ZNF750: variants seen among roughly 807,000 people sequenced by gnomAD.
The protein encoded by ZNF750 is protein ZNF750.
Under a neutral mutation model 31.6 loss-of-function variants are expected in ZNF750, and 10 were observed. The ratio of observed to expected loss-of-function variants is 0.32; its 90% CI spans 0.19 to 0.54. The LOEUF (loss-of-function observed/expected upper bound fraction) is 0.54. ZNF750 is among the 20% of genes least tolerant of loss of function. ZNF750 has a pLI of 0.95. For missense variants in ZNF750, 914 were observed against 934.9 expected, an observed-to-expected ratio of 0.98 and a Z score of 0.29; for synonymous variants, 400 against 404.9, an observed-to-expected ratio of 0.99 and a Z score of 0.15.
At chr17:82,838,078 C>T (rs746903277) in intron 1 of ZNF750, among the ~76,000 whole-genome samples, 36 of 152,340 alleles carry the variant, frequency 2.4e-4, no homozygotes, top group Non-Finnish European at 3.8e-4. Context: ...GCTGAGAGCT[C>T]GCTTCTCTTC....
intron 1 of ZNF750, among the ~76,000 whole-genome samples, chr17:82,838,360 C>G (rs4986113): frequency 0.52 from 79,056 of 151,824 alleles, 20,890 homozygotes; most frequent in South Asian, 0.65. Context: ...TGATAGGACA[C>G]AGCGGAAGTA....
At position 82,831,022 on chromosome 17, in the gene ZNF750, A is replaced by T. The variant is rs1274947731; in HGVS notation, c.1433T>A (p.Val478Glu). ...QAAETTAESPVSLNVVNGDPP... is the reference protein window; with the variant it reads ...QAAETTAESPESLNVVNGDPP... ...TTTGAAAATGACATTTTCTTACCTT[A>T]CTGGAGACTCTGCTGTGGTCTCAGC... is the stretch of plus-strand genomic sequence containing the variant. The change falls in exon 2 of 3, where the codon GTA (valine) becomes GAA (glutamate). Residue 478 changes from valine (V) to glutamate (E), a missense_variant. By Grantham distance (121) the Val-to-Glu change is moderately radical (BLOSUM62 -2). Coordinates refer to ENST00000269394, the MANE Select transcript of ZNF750 (RefSeq NM_024702.3). This position sits in a 1 kb window ranked among gnomAD's most constrained non-coding sequence, Gnocchi z 4.6. 6.2e-7 allele frequency: 1 copy of T among 1,614,132 alleles called. No individual in the cohort carries two copies. Among genetic ancestry groups the T allele is most frequent in the East Asian group, 2.2e-5 (1 of 44,880 alleles).
At position 82,831,593 on chromosome 17, in the gene ZNF750, G is replaced by A. The variant is rs750092440; in HGVS notation, c.862C>T (p.Pro288Ser). 21 of 1,614,084 alleles carry A rather than the reference G, an allele frequency of 1.3e-5. No individual in the cohort carries two copies. The Admixed American group carries it at 3.0e-4, about 23-fold the overall frequency. ...TQDPRHFLPH[P>S]GPIPKHLAPS... ...GCCAGGTGCTTAGGGATCGGCCCCG[G>A]GTGAGGCAGGAAGTGTCTCGGGTCT... Residue 288 changes from proline (P) to serine (S), a missense_variant, in exon 2 of 3, where the codon CCG becomes TCG. By Grantham distance (74) the Pro-to-Ser change is moderately conservative. Around this residue, in one of 2 missense-constraint regions of ZNF750, gnomAD observed 880 missense variants for 868.9 expected, o/e 1.01. Transcript: ENST00000269394. The surrounding 1 kb of genome is among the most constrained non-coding windows in gnomAD (Gnocchi z 4.6).
At chr17:82,834,360 C>A (rs540252013) in intron 1 of ZNF750, among the ~76,000 whole-genome samples, 1 of 152,148 alleles carries the variant, frequency 6.6e-6, no homozygotes, top group East Asian at 1.9e-4. Flanking sequence ...GGTGGAGGTG[C>A]AATGGATCAA....
At chr17:82,836,967 G>A (rs1567862877) in intron 1 of ZNF750, among the ~76,000 whole-genome samples, 1 of 152,172 alleles carries the variant, frequency 6.6e-6, no homozygotes, top group East Asian at 1.9e-4. Flanking sequence ...TCAATTGCTC[G>A]AAGGGAATTG....
intron 1 of ZNF750, among the ~76,000 whole-genome samples, chr17:82,836,393 A>C (rs1282135875): frequency 6.6e-6 from 1 of 152,262 alleles, no homozygotes; most frequent in African/African-American, 2.4e-5. Flanking sequence ...TGGAAGCATC[A>C]GGATCGAAAC....
chr17:82,830,549 C>G lies in ZNF750; in HGVS notation c.1765G>C (p.Gly589Arg), dbSNP rs1277753434. Residue 589 changes from glycine to arginine, a missense_variant, in exon 3 of 3, where the codon GGT becomes CGT. Transcript: ENST00000269394. ...GGGTGGCTGGGCCCATCCTCAGAAC[C>G]TTCTGTCCCAGTCTTCTGTGGAACA... ...AAVPQKTGTE[G>R]SEDGPSHPET... is the part of the protein sequence containing the mutation. 2 of 1,614,146 alleles carry G rather than the reference C, an allele frequency of 1.2e-6. No individual in the cohort carries two copies. Among genetic ancestry groups the G allele is most frequent in the Non-Finnish European group, 1.7e-6 (2 of 1,180,042 alleles).
At chr17:82,838,847 G>A (rs139523215) in intron 1 of ZNF750, 51 of 985,400 alleles carry the variant, frequency 5.2e-5, no homozygotes, top group Middle Eastern at 5.2e-4. Context: ...GTAAACAAAC[G>A]CTCACCACTT....
Position 82,831,281 on chromosome 17 carries a change from G to C in ZNF750, c.1174C>G (p.Gln392Glu). 1.2e-6 allele frequency: 2 copies of C among 1,613,808 alleles called. No individual in the cohort carries two copies. Among genetic ancestry groups the C allele is most frequent in the South Asian group, 1.1e-5 (1 of 91,086 alleles). ...ATTTTGGACCCTTCCGTGTCTCTCT[G>C]CCCAGCCTTGGAGGAGTCTTTAGCC... ...PEAKDSSKAGQRDTEGSKMSP... is the reference protein window; with the variant it reads ...PEAKDSSKAGERDTEGSKMSP... The change falls in exon 2 of 3, where the codon CAG (glutamine) becomes GAG (glutamate). Residue 392 changes from glutamine to glutamate, a missense_variant. By Grantham distance (29) the Gln-to-Glu change is conservative (BLOSUM62 2). This residue lies in a region of ZNF750 where 880 missense variants were observed against 868.9 expected (regional missense o/e 1.01). Coordinates refer to ENST00000269394, the MANE Select transcript of ZNF750 (RefSeq NM_024702.3). This position sits in a 1 kb window ranked among gnomAD's most constrained non-coding sequence, Gnocchi z 4.6.
At position 82,833,358 on chromosome 17, in the gene ZNF750, T is replaced by G. The variant is rs1214155560; in HGVS notation, c.-182-722A>C. Among the ~76,000 whole-genome samples, 1 of 152,190 alleles carries G rather than the reference T, an allele frequency of 6.6e-6. No individual in the cohort carries two copies. Among genetic ancestry groups the G allele is most frequent in the Non-Finnish European group, 1.5e-5 (1 of 68,042 alleles). Reference sequence around the variant, plus strand: ...CACTCGTGGCAGTTTCTGCCCACTTTAGCCACGTCGTTGGTGTATTCTAGT... The same window carrying G: ...CACTCGTGGCAGTTTCTGCCCACTTGAGCCACGTCGTTGGTGTATTCTAGT... On this transcript the variant is annotated intron_variant, in intron 1 of 2. Transcript: ENST00000269394. This position sits in a 1 kb window ranked among gnomAD's most constrained non-coding sequence, Gnocchi z 4.7.
At position 82,836,239 on chromosome 17, in the gene ZNF750, C is replaced by T. The variant is rs148897581; in HGVS notation, c.-182-3603G>A. Among the ~76,000 whole-genome samples, 100 of 152,368 alleles carry T rather than the reference C, an allele frequency of 6.6e-4. 3 individuals carry two copies. In the East Asian group the frequency reaches 0.018, roughly 27 times the overall value. On this transcript the variant is annotated intron_variant, in intron 1 of 2. Transcript: ENST00000269394. ...GGTTCCAGCCAAACGCTGGGCCAGC[C>T]AGCTCAGTCAGTGGGGCCTGTGCCG...
intron 2 of ZNF750, 58 bp downstream of exon 2, chr17:82,830,961 C>G (rs1374887396): frequency 1.9e-6 from 3 of 1,613,338 alleles, no homozygotes; most frequent in Non-Finnish European, 2.5e-6. Context: ...ATAAGCCTGG[C>G]TCATGGAACC....
At chr17:82,836,694 AAAAAC>A (rs985685648) in intron 1 of ZNF750, among the ~76,000 whole-genome samples, 133 of 151,416 alleles carry the variant, frequency 8.8e-4, no homozygotes, top group Admixed American at 1.2e-3. Context: ...AGGCAAAAAA[AAAAAC>A]AAAACAAAAC....
At position 82,835,595 on chromosome 17, in the gene ZNF750, T is replaced by C. The variant is rs1235509590; in HGVS notation, c.-182-2959A>G. ...CTACCACCACGCCCAGCTAATTTTT[T>C]TGTAATTTTAGTAGAGATGGGGTTT... is the stretch of plus-strand genomic sequence containing the variant. On this transcript the variant is annotated intron_variant, in intron 1 of 2. Transcript: ENST00000269394. The surrounding 1 kb of genome is among the most constrained non-coding windows in gnomAD (Gnocchi z 4.5). Among the ~76,000 whole-genome samples the C allele has an allele frequency of 6.6e-6, 1 of 152,058 alleles. No homozygotes were observed. Among genetic ancestry groups the C allele is most frequent in the Non-Finnish European group, 1.5e-5 (1 of 68,000 alleles).
Position 82,835,979 on chromosome 17 carries a change from G to A in ZNF750, c.-182-3343C>T, listed in dbSNP as rs752946131. On this transcript the variant is annotated intron_variant, in intron 1 of 2. Transcript: ENST00000269394. This position sits in a 1 kb window ranked among gnomAD's most constrained non-coding sequence, Gnocchi z 4.5. ...GGGTGACACCCTGGGCTCAGACCCC[G>A]CGCTCAGCACCCGTCTCCCACCGTG... Among the ~76,000 whole-genome samples, 12 of 152,226 alleles carry A rather than the reference G, an allele frequency of 7.9e-5. No homozygotes were observed. Among genetic ancestry groups the A allele is most frequent in the African/African-American group, 2.4e-4 (10 of 41,546 alleles).
chr17:82,832,700 G>A lies in ZNF750; in HGVS notation c.-182-64C>T, dbSNP rs555116677. On this transcript the variant is annotated intron_variant, in intron 1 of 2. Transcript: ENST00000269394. This position sits in a 1 kb window ranked among gnomAD's most constrained non-coding sequence, Gnocchi z 4.9. Reference sequence around the variant, plus strand: ...GAGGGGTCGGCGAGAAGCCGGCCTCGGCTCGCCACAGTGCCACAGGATCCC... The same window carrying A: ...GAGGGGTCGGCGAGAAGCCGGCCTCAGCTCGCCACAGTGCCACAGGATCCC... The A allele has an allele frequency of 3.3e-4, 185 of 553,832 alleles. No individual in the cohort carries two copies. The highest frequency in any genetic ancestry group is 3.2e-3 in the African/African-American group (171 of 53,004). 34.3% of individuals were successfully genotyped at this position (553,832 alleles called of 1,614,324 possible).
At position 82,834,374 on chromosome 17, in the gene ZNF750, TA is replaced by T. The variant is rs1018285868; in HGVS notation, c.-182-1739del. On this transcript the variant is annotated intron_variant, in intron 1 of 2. Transcript: ENST00000269394. ...GGGTGGAGGTGCAATGGATCAAGGC[TA>T]AGCACTTTAATTCGTATTAAAAATG... 5.9e-5 allele frequency among the ~76,000 whole-genome samples: 9 copies of T among 152,314 alleles called. No homozygotes were observed. The East Asian group carries it at 1.5e-3, about 26-fold the overall frequency.
intron 1 of ZNF750, among the ~76,000 whole-genome samples, chr17:82,836,650 C>T (rs2054000518): frequency 2.7e-5 from 4 of 150,300 alleles, no homozygotes; most frequent in Middle Eastern, 3.4e-3. Flanking sequence ...CTTCAGTTTT[C>T]GAAGCAGCAT....
Position 82,830,189 on chromosome 17 carries a change from C to G in ZNF750, c.2125G>C (p.Asp709His), listed in dbSNP as rs370565250. Residue 709 changes from aspartate (D) to histidine (H), a missense_variant, in exon 3 of 3, where the codon GAC becomes CAC. Physicochemically the swap from Asp to His is moderately conservative, Grantham distance 81. Around this residue, in one of 2 missense-constraint regions of ZNF750, gnomAD observed 880 missense variants for 868.9 expected, o/e 1.01. Coordinates refer to ENST00000269394, the MANE Select transcript of ZNF750 (RefSeq NM_024702.3). The stretch of plus-strand genomic sequence containing the variant: ...CGTAGTGTGAACACTCTGGCCGTGT[C>G]CTGCAGCTTCGCCTTCTTAGCTCCT... ...QQGAKKAKLQDTARVFTLRRR... is the reference protein window; with the variant it reads ...QQGAKKAKLQHTARVFTLRRR... The G allele has an allele frequency of 3.1e-6, 5 of 1,614,206 alleles. No individual in the cohort carries two copies. The highest frequency in any genetic ancestry group is 4.2e-6 in the Non-Finnish European group (5 of 1,180,038).
Sources: allele counts gnomAD v4.1 joint callset (sites outside exome capture counted in the v4.1 genomes callset), GRCh38; gene constraint gnomAD v4.1.1; regional missense constraint gnomAD v4.1.1; non-coding constraint Gnocchi (gnomAD v3.1); transcripts MANE v1.5; gene names NCBI Gene and HGNC (gene_info 2026-07-23, HGNC 2026-07-21).